PRKAG1: variants seen among roughly 807,000 people sequenced by gnomAD.
PRKAG1 encodes the protein protein kinase AMP-activated non-catalytic subunit gamma 1.
A neutral mutation model predicts 48.2 loss-of-function variants in PRKAG1; 27 were observed. The ratio of observed to expected loss-of-function variants is 0.56; its 90% CI spans 0.41 to 0.77. PRKAG1 has a LOEUF of 0.77. Among genes scored for constraint, PRKAG1 ranks in the 30% least tolerant of loss-of-function variants. PRKAG1 has a pLI of 0.00. For synonymous variants in PRKAG1, 130 were observed against 147.7 expected, an observed-to-expected ratio of 0.88 and a Z score of 0.87; for missense variants, 287 against 398.3, an observed-to-expected ratio of 0.72 and a Z score of 2.38.
At chr12:49,014,747 C>G (rs1941901324) in intron 1 of PRKAG1, among the ~76,000 whole-genome samples, 1 of 152,240 alleles carries the variant, frequency 6.6e-6, no homozygotes, top group African/African-American at 2.4e-5. Flanking sequence ...TTTCCCTTCC[C>G]AAGATAGTCT....
At chr12:49,003,029 A>G in intron 11 of PRKAG1, 23 bp from the exon 12 acceptor site, 4 of 1,613,554 alleles carry the variant, frequency 2.5e-6, no homozygotes, top group Non-Finnish European at 3.4e-6. Context: ...AACAAGGGAG[A>G]AAGGGAATGT....
chr12:49,004,285 T>C (rs2137652952), intron 8 of PRKAG1: 2 of 585,794 alleles, frequency 3.4e-6, no homozygotes, highest in Non-Finnish European at 5.7e-6. Context: ...GAGTAAGAAC[T>C]TGTCTCAAAA....
At position 49,003,603 on chromosome 12, in the gene PRKAG1, G is replaced by T. The variant is rs925306749; in HGVS notation, c.704-8C>A. The T allele has an allele frequency of 1.9e-6, 3 of 1,613,518 alleles. No individual in the cohort carries two copies. Among genetic ancestry groups the T allele is most frequent in the African/African-American group, 2.7e-5 (2 of 74,776 alleles). The stretch of plus-strand genomic sequence containing the variant: ...AGATGTCCACCACACGCCCTAGGGG[G>T]ACAGAGGCAGCTCAGTAAGGAGGAT... On this transcript the variant is annotated splice_polypyrimidine_tract_variant and splice_region_variant and intron_variant, in intron 9 of 11. Transcript: ENST00000548065.
Position 49,005,819 on chromosome 12 carries a change from G to A in PRKAG1, c.92C>T (p.Ser31Phe), listed in dbSNP as rs748723454. Residue 31 changes from serine to phenylalanine, a missense_variant, in exon 3 of 12, where the codon TCC becomes TTC. Physicochemically the swap from Ser to Phe is radical, Grantham distance 155. This residue lies in a region of PRKAG1 where 63 missense variants were observed against 54.0 expected (regional missense o/e 1.17). Transcript: ENST00000548065. This position sits in a 1 kb window ranked among gnomAD's most constrained non-coding sequence, Gnocchi z 4.1. ...ATAGCAGCGATGAGACTTCATGAAGGAAGTATACACGCTATTGTTGGATTC... is the reference window on the plus strand; with the variant it reads ...ATAGCAGCGATGAGACTTCATGAAGAAAGTATACACGCTATTGTTGGATTC... ...TPESNNSVYT[S>F]FMKSHRCYDL... The A allele has an allele frequency of 1.9e-6, 3 of 1,613,182 alleles. No individual in the cohort carries two copies. Among genetic ancestry groups the A allele is most frequent in the South Asian group, 1.1e-5 (1 of 90,960 alleles).
At position 49,018,564 on chromosome 12, in the gene PRKAG1, C is replaced by T; in HGVS notation, c.9+168G>A. 2.0e-6 allele frequency: 3 copies of T among 1,478,074 alleles called. No homozygotes were observed. The Admixed American group carries it at 7.2e-5, about 36-fold the overall frequency. 91.6% of individuals were successfully genotyped at this position (1,478,074 alleles called of 1,614,324 possible). ...ACGCGGCCCAGTTCCAGGAGATGCG[C>T]CCAACGAAGAAGCGGAGGAACAGGG... On this transcript the variant is annotated intron_variant, in intron 1 of 11. Coordinates refer to ENST00000548065, the MANE Select transcript of PRKAG1 (RefSeq NM_002733.5).
chr12:49,014,657 A>T (rs2117029), intron 1 of PRKAG1, among the ~76,000 whole-genome samples: 64,613 of 152,092 alleles, frequency 0.42, 14,225 homozygotes, highest in African/African-American at 0.54. Flanking sequence ...ACACGAATGT[A>T]CTGAAACTGG....
At chr12:49,017,288 C>G (rs1942022512) in intron 1 of PRKAG1, 1 of 445,944 alleles carries the variant, frequency 2.2e-6, no homozygotes, top group Non-Finnish European at 4.5e-6. Context: ...CCAGCCTCCA[C>G]CTCTTTGGAT....
At position 49,005,791 on chromosome 12, in the gene PRKAG1, G is replaced by A; in HGVS notation, c.120C>T (p.Asp40=). The A allele has an allele frequency of 6.2e-7, 1 of 1,614,066 alleles. No individual in the cohort carries two copies. The highest frequency in any genetic ancestry group is 8.5e-7 in the Non-Finnish European group (1 of 1,179,998). The change falls in exon 3 of 12, where the codon GAC becomes GAT. Residue 40 remains aspartate (D), a synonymous_variant. Transcript: ENST00000548065. The surrounding 1 kb of genome is among the most constrained non-coding windows in gnomAD (Gnocchi z 4.1). Reference sequence around the variant, plus strand: ...CCAATTTGGAGCTTGTGGGAATCAGGTCATAGCAGCGATGAGACTTCATGA... The same window carrying A: ...CCAATTTGGAGCTTGTGGGAATCAGATCATAGCAGCGATGAGACTTCATGA... ...TSFMKSHRCY[D]LIPTSSKLVV...
chr12:49,012,372 TTC>T (rs1242002620), intron 2 of PRKAG1, among the ~76,000 whole-genome samples: 1 of 150,698 alleles, frequency 6.6e-6, no homozygotes, highest in Non-Finnish European at 1.5e-5. Flanking sequence ...CCTAATTTTT[TTC>T]TTTCTTTTTT....
chr12:49,015,719 C>A (rs758133998), intron 1 of PRKAG1, among the ~76,000 whole-genome samples: 8 of 152,096 alleles, frequency 5.3e-5, no homozygotes, highest in Non-Finnish European at 7.4e-5. Context: ...ACTACAGATG[C>A]CTGCCACCAC....
chr12:49,005,738 C>T lies in PRKAG1; in HGVS notation c.168+5G>A. 6.2e-7 allele frequency: 1 copy of T among 1,612,646 alleles called. No homozygotes were observed. The highest frequency in any genetic ancestry group is 1.3e-5 in the African/African-American group (1 of 75,020). On this transcript the variant is annotated splice_donor_5th_base_variant and intron_variant, in intron 3 of 11. Coordinates refer to ENST00000548065, the MANE Select transcript of PRKAG1 (RefSeq NM_002733.5). This position sits in a 1 kb window ranked among gnomAD's most constrained non-coding sequence, Gnocchi z 4.1. ...AGGGGGAAGGGAAAAGAGGATTTCA[C>T]CCACCTGCAGGGACGTATCAAATAC...
At chr12:49,007,350 T>C (rs1180191434) in intron 2 of PRKAG1, among the ~76,000 whole-genome samples, 1 of 151,974 alleles carries the variant, frequency 6.6e-6, no homozygotes, top group Non-Finnish European at 1.5e-5. Context: ...AATGTCCTCA[T>C]GTTTCAGATG....
chr12:49,006,796 CCT>C (rs1361935489), intron 2 of PRKAG1, among the ~76,000 whole-genome samples: 2 of 151,234 alleles, frequency 1.3e-5, no homozygotes, highest in Non-Finnish European at 2.9e-5. Context: ...ATGGATAAAC[CCT>C]GTCTCTATTA....
At chr12:49,003,518 C>CG in intron 10 of PRKAG1, 40 bp downstream of exon 10, 2 of 1,598,496 alleles carry the variant, frequency 1.3e-6, no homozygotes, top group Non-Finnish European at 1.7e-6. Flanking sequence ...GCCCCCCCCC[C>CG]ACCACTTCCC....
chr12:49,014,925 CA>C (rs1941906801), intron 1 of PRKAG1, among the ~76,000 whole-genome samples: 1 of 152,192 alleles, frequency 6.6e-6, no homozygotes, highest in Non-Finnish European at 1.5e-5. Flanking sequence ...GTGATATCTC[CA>C]AAATAAAACC....
At chr12:49,009,034 C>G (rs769233257) in intron 2 of PRKAG1, among the ~76,000 whole-genome samples, 4 of 151,212 alleles carry the variant, frequency 2.6e-5, no homozygotes, top group Non-Finnish European at 5.9e-5. Flanking sequence ...TTTTCTTTTT[C>G]TATGACTCCT....
At chr12:49,009,673 T>A (rs975136757) in intron 2 of PRKAG1, among the ~76,000 whole-genome samples, 2 of 152,060 alleles carry the variant, frequency 1.3e-5, no homozygotes, top group African/African-American at 4.8e-5. Flanking sequence ...AGTGCAATGG[T>A]GCAATCTCGG....
At chr12:49,012,015 G>A (rs1253999125) in intron 2 of PRKAG1, among the ~76,000 whole-genome samples, 6 of 151,806 alleles carry the variant, frequency 4.0e-5, no homozygotes, top group Non-Finnish European at 7.4e-5. Flanking sequence ...GCAGCTCCAC[G>A]CCCAGCTAAT....
rs77039362 is a variant in PRKAG1 at position 49,002,747 on chromosome 12, C to G, written c.*152G>C. ...TATAAATCCATTCTCTTTCCTCCCC[C>G]ATACCTTCCCTAGCTCCCAGATAGA... On this transcript the variant is annotated 3_prime_UTR_variant, in exon 12 of 12. Transcript: ENST00000548065. 2.7e-3 allele frequency: 2,115 copies of G among 774,770 alleles called. 40 individuals carry two copies. The African/African-American group carries it at 0.03, about 11-fold the overall frequency. 48.0% of individuals were successfully genotyped at this position (774,770 alleles called of 1,614,324 possible).
Sources: gnomAD v4.1 joint callset for allele counts (sites outside exome capture counted in the v4.1 genomes callset) on GRCh38, gnomAD v4.1.1 for gene constraint, gnomAD v4.1.1 regional missense constraint, Gnocchi (gnomAD v3.1) non-coding constraint, MANE v1.5 for transcripts, NCBI Gene and HGNC (gene_info 2026-07-23, HGNC 2026-07-21) for gene names.